Variants in COLEC10 observed in about 807,000 individuals in gnomAD.
The protein encoded by COLEC10 is collectin subfamily member 10.
In COLEC10, 22 loss-of-function variants were observed where a neutral mutation model predicts 28.4. The observed-to-expected ratio is 0.78, with a 90% confidence interval of 0.55 to 1.11. COLEC10 has a LOEUF of 1.11. Ranked by LOEUF, COLEC10 falls within the 50% of genes least tolerant of loss-of-function variation. The probability of loss-of-function intolerance (pLI) is 0.00; values close to 1 mark genes in which losing one functional copy is unlikely to be tolerated. For missense variants in COLEC10, 361 were observed against 344.1 expected, an observed-to-expected ratio of 1.05 and a Z score of -0.39; for synonymous variants, 125 against 116.1, an observed-to-expected ratio of 1.08 and a Z score of -0.49.
At chr8:119,020,062 T>C (rs138020072) in intron 2 of COLEC10, among the ~76,000 whole-genome samples, 187 of 152,304 alleles carry the variant, frequency 1.2e-3, no homozygotes, top group African/African-American at 4.3e-3. Context: ...GAGCAGGCAG[T>C]AGCTTTCTCA....
chr8:118,954,217 G>T, the COLEC10 span, among the ~76,000 whole-genome samples: 2 of 152,214 alleles, frequency 1.3e-5, no homozygotes, highest in African/African-American at 4.8e-5. Context: ...AGACAGGTTG[G>T]GGCACCATTT....
chr8:119,047,426 C>T (rs1302203501), intron 2 of COLEC10, among the ~76,000 whole-genome samples: 1 of 152,178 alleles, frequency 6.6e-6, no homozygotes, highest in African/African-American at 2.4e-5. Flanking sequence ...TATGTTACAA[C>T]ATATGCTGTG....
chr8:118,971,727 T>G, the COLEC10 span, among the ~76,000 whole-genome samples: 1 of 152,012 alleles, frequency 6.6e-6, no homozygotes, highest in Non-Finnish European at 1.5e-5. Flanking sequence ...GAATATTTAA[T>G]ACACAACCTC....
chr8:118,969,712 T>G, the COLEC10 span, among the ~76,000 whole-genome samples: 1 of 151,380 alleles, frequency 6.6e-6, no homozygotes, highest in Non-Finnish European at 1.5e-5. Flanking sequence ...TTTTTTTAAA[T>G]TCAGCTCCTT....
At chr8:118,984,035 T>C in the COLEC10 span, among the ~76,000 whole-genome samples, 31 of 152,190 alleles carry the variant, frequency 2.0e-4, no homozygotes, top group Admixed American at 1.2e-3. Context: ...ATGCATAATG[T>C]ATTAATTGCA....
In COLEC10 at chr8:119,033,895, A is replaced by G. The variant is rs1017693245; in HGVS notation, n.235+24342A>G. Among the ~76,000 whole-genome samples the G allele has an allele frequency of 2.6e-5, 4 of 152,366 alleles. No individual in the cohort carries two copies. The East Asian group carries it at 7.7e-4, about 29-fold the overall frequency. ...ACCCAGCAATCCTATTATTGGATAT[A>G]TACCCAAAGGTTTATAAATCACTTT... On this transcript the variant is annotated intron_variant and non_coding_transcript_variant, in intron 2 of 6. Transcript: ENST00000521788.
Position 119,077,171 on chromosome 8 carries a change from C to T in COLEC10, c.148+9742C>T, listed in dbSNP as rs563560674. Among the ~76,000 whole-genome samples the T allele has an allele frequency of 2.6e-4, 40 of 151,330 alleles. 2 individuals carry two copies. In the South Asian group the frequency reaches 6.7e-3, roughly 25 times the overall value. ...TATGACCTGCTTTCCTCAATTGGAG[C>T]ACACTTAAGATGACATTTTACTTTT... is the stretch of plus-strand genomic sequence containing the variant. On this transcript the variant is annotated intron_variant, in intron 1 of 5. Coordinates refer to ENST00000332843, the MANE Select transcript of COLEC10 (RefSeq NM_006438.5).
chr8:119,088,794 G>A (rs1321184898), intron 1 of COLEC10, among the ~76,000 whole-genome samples: 1 of 152,188 alleles, frequency 6.6e-6, no homozygotes, highest in African/African-American at 2.4e-5. Flanking sequence ...AGGAAAGGAA[G>A]CATAAAGGAA....
intron 3 of COLEC10, among the ~76,000 whole-genome samples, chr8:119,097,254 G>T (rs1452891835): frequency 2.7e-5 from 4 of 149,384 alleles, no homozygotes; most frequent in Admixed American, 1.3e-4. Flanking sequence ...TTTTCTTTGT[G>T]TTTTTTTTTC....
At chr8:119,021,599 C>G (rs1423960324) in intron 2 of COLEC10, among the ~76,000 whole-genome samples, 1 of 152,118 alleles carries the variant, frequency 6.6e-6, no homozygotes, top group Non-Finnish European at 1.5e-5. Flanking sequence ...CCTTAGAGTC[C>G]TATGAACTTA....
chr8:119,017,938 C>T (rs975500096), intron 2 of COLEC10, among the ~76,000 whole-genome samples: 7 of 152,110 alleles, frequency 4.6e-5, no homozygotes, highest in Middle Eastern at 3.2e-3. Flanking sequence ...AACTTGGCAT[C>T]GAATTCATGA....
At chr8:118,991,112 TAATA>T (rs2130037113), upstream of COLEC10, among the ~76,000 whole-genome samples, 1 of 152,258 alleles carries the variant, frequency 6.6e-6, no homozygotes, top group African/African-American at 2.4e-5. Flanking sequence ...ATTAATCATA[TAATA>T]AATACACTAT....
intron 2 of COLEC10, among the ~76,000 whole-genome samples, chr8:119,031,581 T>C (rs1030228653): frequency 6.6e-6 from 1 of 152,192 alleles, no homozygotes; most frequent in Non-Finnish European, 1.5e-5. Flanking sequence ...GTTAGTGAAT[T>C]GTGATGCTGA....
chr8:119,101,099 A>T (rs796885439), intron 3 of COLEC10, among the ~76,000 whole-genome samples: 7 of 152,228 alleles, frequency 4.6e-5, no homozygotes, highest in African/African-American at 1.7e-4. Context: ...AGTGGCTTCC[A>T]CTTTTTCTCT....
the COLEC10 span, among the ~76,000 whole-genome samples, chr8:118,957,652 C>T: frequency 2.0e-5 from 3 of 152,186 alleles, no homozygotes; most frequent in South Asian, 2.1e-4. Context: ...ATTTGACATA[C>T]ATGCTAACAG....
At chr8:119,068,716 A>G (rs1387066741) in intron 1 of COLEC10, 1 of 152,130 alleles carries the variant, frequency 6.6e-6, no homozygotes, top group East Asian at 1.9e-4. Flanking sequence ...AAATCTCATT[A>G]ACTTTCCTCC....
At chr8:119,074,370 G>A (rs1815183802) in intron 1 of COLEC10, among the ~76,000 whole-genome samples, 1 of 151,920 alleles carries the variant, frequency 6.6e-6, no homozygotes, top group South Asian at 2.1e-4. Context: ...TTGCATGCCT[G>A]TACCAAAATA....
intron 2 of COLEC10, among the ~76,000 whole-genome samples, chr8:119,037,935 G>A (rs1322670314): frequency 6.6e-6 from 1 of 152,146 alleles, no homozygotes; most frequent in Non-Finnish European, 1.5e-5. Context: ...TGCCTAAAGG[G>A]CTTGGACCCT....
At chr8:119,103,768 A>C in intron 4 of COLEC10, 32 bp from the exon 5 acceptor site, 1 of 1,358,922 alleles carries the variant, frequency 7.4e-7, no homozygotes, top group Non-Finnish European at 1.1e-6. Context: ...CAGGTACTTC[A>C]ACATGAATTC....
Sources: allele counts gnomAD v4.1 joint callset (sites outside exome capture counted in the v4.1 genomes callset), GRCh38; gene constraint gnomAD v4.1.1; transcripts MANE v1.5; gene names NCBI Gene and HGNC (gene_info 2026-07-23, HGNC 2026-07-21).